PCID2: variants seen among roughly 807,000 people sequenced by gnomAD.
PCID2 encodes PCI domain containing 2.
A neutral mutation model predicts 61.3 loss-of-function variants in PCID2; 41 were observed. The observed-to-expected ratio is 0.67, with a 90% CI of 0.52 to 0.87. The LOEUF (loss-of-function observed/expected upper bound fraction) is 0.87, where lower values mean the gene tolerates loss of function less well. PCID2 is among the 40% of genes least tolerant of loss of function. The pLI is 0.00. For missense variants in PCID2, 392 were observed against 493.4 expected, an observed-to-expected ratio of 0.79 and a Z score of 1.95; for synonymous variants, 187 against 177.8, an observed-to-expected ratio of 1.05 and a Z score of -0.41.
rs146094666 is a variant in PCID2 at position 113,195,624 on chromosome 13, G to A, written c.309-499C>T. Reference sequence around the variant, plus strand: ...AGAGGCTGCAGTGAGCCAAGACTGCGCCACTGCACTCCAGCCTCGGCGACT... The same window carrying A: ...AGAGGCTGCAGTGAGCCAAGACTGCACCACTGCACTCCAGCCTCGGCGACT... On this transcript the variant is annotated intron_variant, in intron 5 of 13. Transcript: ENST00000337344. 6.5e-3 allele frequency among the ~76,000 whole-genome samples: 984 copies of A among 151,362 alleles called. 17 individuals are homozygous for A. The highest frequency in any genetic ancestry group is 0.023 in the African/African-American group (929 of 41,240).
At chr13:113,196,244 G>C in intron 4 of PCID2, 22 bp from the exon 5 acceptor site, 2 of 1,554,804 alleles carry the variant, frequency 1.3e-6, no homozygotes, top group South Asian at 1.2e-5. Flanking sequence ...AGGAAGATAT[G>C]GCATACAAAG....
chr13:113,206,415 A>G (rs950933846), intron 1 of PCID2, among the ~76,000 whole-genome samples: 1 of 152,204 alleles, frequency 6.6e-6, no homozygotes, highest in Admixed American at 6.5e-5. Flanking sequence ...GCTGGGGAGC[A>G]TGTGGCAACA....
chr13:113,167,630 C>A, the PCID2 span, among the ~76,000 whole-genome samples: 23 of 152,096 alleles, frequency 1.5e-4, no homozygotes, highest in African/African-American at 5.3e-4. Flanking sequence ...TTTTTCCAAT[C>A]TTCTACTTTT....
chr13:113,203,827 T>A (rs1207252483), intron 1 of PCID2, among the ~76,000 whole-genome samples: 3 of 152,166 alleles, frequency 2.0e-5, no homozygotes, highest in Admixed American at 2.0e-4. Context: ...TAGTTGGCCC[T>A]GGGATGGAAG....
chr13:113,169,712 G>A, the PCID2 span, among the ~76,000 whole-genome samples: 3 of 152,238 alleles, frequency 2.0e-5, no homozygotes, highest in Non-Finnish European at 4.4e-5. Context: ...AGTCAGGGAT[G>A]TTTTAACTCA....
At chr13:113,193,537 G>T (rs1459477631) in intron 6 of PCID2, among the ~76,000 whole-genome samples, 1 of 152,090 alleles carries the variant, frequency 6.6e-6, no homozygotes, top group Non-Finnish European at 1.5e-5. Flanking sequence ...ACTTTTCTTA[G>T]TATTTTGTTT....
chr13:113,201,680 T>C (rs1310589853), intron 1 of PCID2, among the ~76,000 whole-genome samples: 4 of 151,656 alleles, frequency 2.6e-5, no homozygotes, highest in Non-Finnish European at 2.9e-5. Flanking sequence ...GGTGTGGTGG[T>C]GGGCATCCGT....
chr13:113,188,996 G>A lies in PCID2; in HGVS notation c.467+1876C>T, dbSNP rs181797069. ...AGCCTCATGTTAAAACCTGATCCCC[G>A]TTGTTGGAGGAGGAACCTAATGGGA... is the stretch of plus-strand genomic sequence containing the variant. On this transcript the variant is annotated intron_variant, in intron 7 of 13. Transcript: ENST00000337344. 2.2e-3 allele frequency among the ~76,000 whole-genome samples: 338 copies of A among 152,256 alleles called. 3 individuals carry two copies. The highest frequency in any genetic ancestry group is 0.017 in the South Asian group (82 of 4,814).
rs1334916515 is a variant in PCID2, at chr13:113,184,345, C to T, written c.685+1G>A. On this transcript the variant is annotated splice_donor_variant, in intron 9 of 13. Transcript: ENST00000337344. LOFTEE classifies it high-confidence loss of function. Reference sequence around the variant, plus strand: ...CTGGGAAAAAAAGATTAGCAACATACCTTGCTTAAAATCGCTGTCAAACAT... The same window carrying T: ...CTGGGAAAAAAAGATTAGCAACATATCTTGCTTAAAATCGCTGTCAAACAT... 1.9e-6 allele frequency: 3 copies of T among 1,611,376 alleles called. No homozygotes were observed. The highest frequency in any genetic ancestry group is 2.5e-6 in the Non-Finnish European group (3 of 1,177,866).
At chr13:113,182,915 T>C (rs1309145642) in intron 9 of PCID2, among the ~76,000 whole-genome samples, 1 of 152,178 alleles carries the variant, frequency 6.6e-6, no homozygotes, top group African/African-American at 2.4e-5. Context: ...GGTATAAATC[T>C]CTGAAATTAA....
chr13:113,201,976 C>CA (rs1041449478), intron 1 of PCID2, among the ~76,000 whole-genome samples: 4 of 151,976 alleles, frequency 2.6e-5, no homozygotes, highest in Non-Finnish European at 4.4e-5. Flanking sequence ...GTGCAAATGG[C>CA]AAAAAAGCAC....
the PCID2 span, among the ~76,000 whole-genome samples, chr13:113,167,648 T>A: frequency 6.6e-6 from 1 of 152,232 alleles, no homozygotes; most frequent in African/African-American, 2.4e-5. Context: ...TTTAGCCTAT[T>A]TGTATTTTTA....
intron 2 of PCID2, among the ~76,000 whole-genome samples, chr13:113,200,191 A>C (rs1039702644): frequency 5.3e-5 from 8 of 152,228 alleles, no homozygotes; most frequent in Non-Finnish European, 8.8e-5. Context: ...TCTAAACCTC[A>C]GAGAGCTGTC....
At chr13:113,185,380 T>A (rs1295215902) in intron 8 of PCID2, 105 bp downstream of exon 8, 1 of 812,820 alleles carries the variant, frequency 1.2e-6, no homozygotes, top group African/African-American at 1.7e-5. Context: ...GTTATGATCA[T>A]TTCACAAGCA....
chr13:113,197,203 A>G lies in PCID2; in HGVS notation c.241T>C (p.Tyr81His), dbSNP rs1443523465. The G allele has an allele frequency of 6.2e-7, 1 of 1,613,996 alleles. No homozygotes were observed. Among genetic ancestry groups the G allele is most frequent in the African/African-American group, 1.3e-5 (1 of 74,934 alleles). ...AVGNHDFIEA[Y>H]KCQTVIVQSF... is the part of the protein sequence containing the mutation. ...TGGACTATCACGGTCTGGCACTTGT[A>G]TGCCTCTATGAAGTCATGATTCCCC... Residue 81 changes from tyrosine (Y) to histidine (H), a missense_variant, in exon 4 of 14, where the codon TAC becomes CAC. By Grantham distance (83) the Tyr-to-His change is moderately conservative (BLOSUM62 2). This residue lies in a region of PCID2 where 155 missense variants were observed against 164.9 expected (regional missense o/e 0.94). Coordinates refer to ENST00000337344, the MANE Select transcript of PCID2 (RefSeq NM_001127202.4).
the PCID2 span, chr13:113,165,314 CA>C: frequency 1.5e-6 from 1 of 668,138 alleles, no homozygotes; most frequent in South Asian, 1.7e-5. Flanking sequence ...TACAAAAGGA[CA>C]GCATTATTTA....
At chr13:113,174,052 C>T (rs1192082002), downstream of PCID2, among the ~76,000 whole-genome samples, 4 of 151,350 alleles carry the variant, frequency 2.6e-5, no homozygotes, top group Non-Finnish European at 4.4e-5. Flanking sequence ...CATGGTGAAA[C>T]TCCATCTCTA....
downstream of PCID2, among the ~76,000 whole-genome samples, chr13:113,173,398 G>A (rs2037146851): frequency 6.7e-6 from 1 of 149,272 alleles, no homozygotes; most frequent in African/African-American, 2.5e-5. Context: ...TCTTAGTTAA[G>A]GAAGGGGCAC....
At chr13:113,190,440 T>C (rs1054405483) in intron 7 of PCID2, among the ~76,000 whole-genome samples, 1 of 151,888 alleles carries the variant, frequency 6.6e-6, no homozygotes, top group Non-Finnish European at 1.5e-5. Flanking sequence ...ATGTAGCAAA[T>C]GGAGCCTTAA....
Sources: gnomAD v4.1 joint callset for allele counts (sites outside exome capture counted in the v4.1 genomes callset) on GRCh38, gnomAD v4.1.1 for gene constraint, gnomAD v4.1.1 regional missense constraint, MANE v1.5 for transcripts, NCBI Gene and HGNC (gene_info 2026-07-23, HGNC 2026-07-21) for gene names.